Variants in LEF1 observed in about 807,000 individuals in gnomAD.
The protein encoded by LEF1 is lymphoid enhancer-binding factor 1.
A neutral mutation model predicts 51.2 loss-of-function variants in LEF1; 14 were observed. The ratio of observed to expected loss-of-function variants is 0.27; its 90% confidence interval spans 0.18 to 0.43. The LOEUF (loss-of-function observed/expected upper bound fraction) is 0.43, where lower values mean the gene tolerates loss of function less well. LEF1 is among the 20% of genes least tolerant of loss of function. The pLI, the probability that LEF1 is intolerant of heterozygous loss-of-function variation, is 1.00. For missense variants in LEF1, 386 were observed against 512.0 expected (o/e 0.75, Z 2.37); for synonymous variants, 185 against 183.2 (o/e 1.01, Z -0.08).
chr4:108,057,892 G>A (rs1277723237), intron 11 of LEF1, among the ~76,000 whole-genome samples: 1 of 139,750 alleles, frequency 7.2e-6, no homozygotes, highest in Non-Finnish European at 1.5e-5. Flanking sequence ...TTTTTTCCCC[G>A]AGACGGAGTC....
chr4:108,104,459 A>G (rs1045575235), intron 3 of LEF1, among the ~76,000 whole-genome samples: 1 of 147,870 alleles, frequency 6.8e-6, no homozygotes, highest in Non-Finnish European at 1.5e-5. Flanking sequence ...AATATTATAT[A>G]TAAATTATAT....
In LEF1 at chr4:108,163,812, ATT is replaced by A. The variant is rs568962091; in HGVS notation, c.281-113_281-112del. Reference sequence around the variant, plus strand: ...AGATAAATCAGACCCTACATAAAAGATTTGTTTACAAAATACTGTAACTGGAT... The same window carrying A: ...AGATAAATCAGACCCTACATAAAAGATGTTTACAAAATACTGTAACTGGAT... On this transcript the variant is annotated intron_variant, in intron 2 of 11. Transcript: ENST00000265165. The A allele has an allele frequency of 6.0e-4, 674 of 1,123,494 alleles. 13 individuals carry two copies. The South Asian group carries it at 0.011, about 18-fold the overall frequency. 69.6% of individuals were successfully genotyped at this position (1,123,494 alleles called of 1,614,324 possible).
intron 8 of LEF1, among the ~76,000 whole-genome samples, chr4:108,072,456 A>G (rs1738552561): frequency 6.6e-6 from 1 of 152,258 alleles, no homozygotes. Context: ...AGGGTAACAG[A>G]GTCCGTTTCC....
chr4:108,077,763 C>T (rs1490744664), intron 8 of LEF1, among the ~76,000 whole-genome samples: 7 of 152,374 alleles, frequency 4.6e-5, no homozygotes, highest in Admixed American at 6.5e-5. Flanking sequence ...CGCCTCTGCC[C>T]GGCCTCTGTG....
chr4:108,106,039 C>A (rs1261382475), intron 3 of LEF1, among the ~76,000 whole-genome samples: 1 of 152,190 alleles, frequency 6.6e-6, no homozygotes, highest in Non-Finnish European at 1.5e-5. Flanking sequence ...TCCAGTGCCC[C>A]ACCTGGGATA....
chr4:108,087,211 A>G (rs1251273878), intron 4 of LEF1, among the ~76,000 whole-genome samples: 2 of 152,194 alleles, frequency 1.3e-5, no homozygotes, highest in African/African-American at 2.4e-5. Context: ...GCTTTTTTCA[A>G]ATTGGAGTTT....
At chr4:108,141,475 T>C (rs1743648461) in intron 3 of LEF1, among the ~76,000 whole-genome samples, 1 of 152,194 alleles carries the variant, frequency 6.6e-6, no homozygotes, top group South Asian at 2.1e-4. Flanking sequence ...CTTCACACAG[T>C]CACTCAGGTA....
intron 3 of LEF1, among the ~76,000 whole-genome samples, chr4:108,149,617 A>G (rs138802419): frequency 6.7e-6 from 1 of 148,430 alleles, no homozygotes; most frequent in African/African-American, 2.5e-5. Context: ...GTACATATAT[A>G]TACATGTGTA....
chr4:108,157,055 T>C, intron 3 of LEF1, among the ~76,000 whole-genome samples: 1 of 152,070 alleles, frequency 6.6e-6, no homozygotes, highest in Non-Finnish European at 1.5e-5. Context: ...GGTTACTGTT[T>C]CATTCAGAAG....
At chr4:108,103,638 C>A (rs1047978096) in intron 3 of LEF1, among the ~76,000 whole-genome samples, 1 of 152,212 alleles carries the variant, frequency 6.6e-6, no homozygotes, top group Non-Finnish European at 1.5e-5. Flanking sequence ...TTTCTCCACA[C>A]ACCCTATTTA....
intron 8 of LEF1, among the ~76,000 whole-genome samples, chr4:108,072,441 C>T (rs901528532): frequency 2.0e-5 from 3 of 152,222 alleles, no homozygotes; most frequent in Admixed American, 6.5e-5. Flanking sequence ...GCAGTTCCCA[C>T]CAGAAGGGTA....
At chr4:108,128,593 AG>A (rs1312139315) in intron 3 of LEF1, among the ~76,000 whole-genome samples, 1 of 152,076 alleles carries the variant, frequency 6.6e-6, no homozygotes, top group East Asian at 1.9e-4. Context: ...ACTTATTTTA[AG>A]GCTGATTCTA....
chr4:108,088,688 A>G (rs1739811007), intron 4 of LEF1, among the ~76,000 whole-genome samples: 1 of 152,248 alleles, frequency 6.6e-6, no homozygotes, highest in Non-Finnish European at 1.5e-5. Flanking sequence ...CTGGTAAATA[A>G]CAAAAGATGA....
At position 108,149,458 on chromosome 4, in the gene LEF1, C is replaced by CAAAAAAAAA. The variant is rs371482539; in HGVS notation, c.414+14101_414+14109dup. Among the ~76,000 whole-genome samples, 65 of 60,572 alleles carry CAAAAAAAAA rather than the reference C, an allele frequency of 1.1e-3. 2 individuals carry two copies. The highest frequency in any genetic ancestry group is 3.6e-3 in the African/African-American group (49 of 13,782). The allele number at this position is 60,572 out of a possible 152,430, so 39.7% of individuals were successfully genotyped here. On this transcript the variant is annotated intron_variant, in intron 3 of 11. Transcript: ENST00000265165. ...TGGGCGACAGAGCGAGACTCCGTCT[C>CAAAAAAAAA]AAAAAAAAAAAAAAAAAATAGATTA... is the stretch of plus-strand genomic sequence containing the variant.
chr4:108,077,327 C>T (rs1002849820), intron 8 of LEF1, among the ~76,000 whole-genome samples: 6 of 151,348 alleles, frequency 4.0e-5, no homozygotes, highest in Non-Finnish European at 5.9e-5. Context: ...TCTGCCCGGC[C>T]ACCCAACTGA....
chr4:108,114,418 T>C (rs1741713641), intron 3 of LEF1, among the ~76,000 whole-genome samples: 1 of 152,118 alleles, frequency 6.6e-6, no homozygotes, highest in Non-Finnish European at 1.5e-5. Flanking sequence ...AACAGCAGGA[T>C]AAGAAATGTC....
intron 9 of LEF1, among the ~76,000 whole-genome samples, chr4:108,065,000 T>G (rs931517189): frequency 3.3e-5 from 5 of 152,176 alleles, no homozygotes; most frequent in Non-Finnish European, 5.9e-5. Flanking sequence ...TGAGAGAACC[T>G]GAGAAAACTG....
chr4:108,083,281 A>T, intron 5 of LEF1, 75 bp downstream of exon 5: 1 of 1,010,524 alleles, frequency 9.9e-7, no homozygotes, highest in African/African-American at 1.6e-5. Flanking sequence ...CCATTCATAA[A>T]TCTAATTTCC....
chr4:108,117,514 C>G (rs971794715), intron 3 of LEF1, among the ~76,000 whole-genome samples: 1 of 152,250 alleles, frequency 6.6e-6, no homozygotes, highest in African/African-American at 2.4e-5. Flanking sequence ...TTCTTCCCAG[C>G]TGGGCTACGC....
Sources: allele counts gnomAD v4.1 joint callset (sites outside exome capture counted in the v4.1 genomes callset), GRCh38; gene constraint gnomAD v4.1.1; transcripts MANE v1.5; gene names NCBI Gene and HGNC (gene_info 2026-07-23, HGNC 2026-07-21).